The following ACCSL variants were observed in gnomAD, a reference collection of about 807,000 sequenced individuals.
ACCSL encodes the protein probable inactive 1-aminocyclopropane-1-carboxylate synthase-like protein 2.
In ACCSL, 55 loss-of-function variants were observed where a neutral mutation model predicts 61.7. The ratio of observed to expected loss-of-function variants is 0.89; its 90% CI spans 0.72 to 1.12. The LOEUF is 1.12. ACCSL is among the 50% of genes most tolerant of loss of function. The pLI, the probability that ACCSL is intolerant of heterozygous loss-of-function variation, is 0.00. For missense variants in ACCSL, 632 were observed against 698.0 expected (o/e 0.91, Z 1.07); for synonymous variants, 258 against 264.3 (o/e 0.98, Z 0.23).
chr11:43,990,453 C>T, the ACCSL span, among the ~76,000 whole-genome samples: 1 of 152,104 alleles, frequency 6.6e-6, no homozygotes, highest in Non-Finnish European at 1.5e-5. Context: ...GAATTCTCAT[C>T]TCTTCAGCCC....
the ACCSL span, among the ~76,000 whole-genome samples, chr11:43,957,303 G>A: frequency 6.6e-6 from 1 of 151,778 alleles, no homozygotes; most frequent in Non-Finnish European, 1.5e-5. Flanking sequence ...ATCTCAAAGT[G>A]GGGTGGGGTG....
the ACCSL span, among the ~76,000 whole-genome samples, chr11:43,923,900 C>T: frequency 2.0e-5 from 3 of 152,186 alleles, no homozygotes; most frequent in Middle Eastern, 3.2e-3. Flanking sequence ...GTGTGTACGA[C>T]GCTGTTAGGA....
the ACCSL span, among the ~76,000 whole-genome samples, chr11:43,961,281 G>A: frequency 1.3e-5 from 2 of 152,070 alleles, no homozygotes; most frequent in African/African-American, 4.8e-5. Flanking sequence ...CCTGTGTCAA[G>A]TCTGCCCAAT....
At chr11:43,961,941 G>A in the ACCSL span, among the ~76,000 whole-genome samples, 1 of 152,162 alleles carries the variant, frequency 6.6e-6, no homozygotes, top group Non-Finnish European at 1.5e-5. Flanking sequence ...CTGTAACAGG[G>A]CCTTTGAGCC....
At chr11:44,042,113 T>C in the ACCSL span, among the ~76,000 whole-genome samples, 1 of 152,348 alleles carries the variant, frequency 6.6e-6, no homozygotes, top group Admixed American at 6.5e-5. Context: ...ATTGATAATC[T>C]ACTCATAGGT....
chr11:44,031,567 G>A, the ACCSL span, among the ~76,000 whole-genome samples: 4 of 152,178 alleles, frequency 2.6e-5, no homozygotes, highest in Non-Finnish European at 5.9e-5. Context: ...TGCAATGGAT[G>A]AAAGAGAGGG....
chr11:43,936,211 G>A, the ACCSL span, among the ~76,000 whole-genome samples: 1 of 152,218 alleles, frequency 6.6e-6, no homozygotes, highest in South Asian at 2.1e-4. Flanking sequence ...CACCCTTGGA[G>A]ATATGATTAG....
chr11:44,033,220 A>G, the ACCSL span, among the ~76,000 whole-genome samples: 1 of 152,146 alleles, frequency 6.6e-6, no homozygotes, highest in Non-Finnish European at 1.5e-5. Context: ...ACAGAGGAGA[A>G]ACTGAAGCCC....
chr11:43,943,199 C>T, the ACCSL span: 1 of 1,523,480 alleles, frequency 6.6e-7, no homozygotes, highest in Non-Finnish European at 8.8e-7. The surrounding 1 kb of genome is among the most constrained non-coding windows in gnomAD (Gnocchi z 4.8). Flanking sequence ...GAGCCTGTCG[C>T]TGCAGCGGGA....
chr11:44,025,300 C>T, the ACCSL span, among the ~76,000 whole-genome samples: 1 of 151,952 alleles, frequency 6.6e-6, no homozygotes, highest in East Asian at 1.9e-4. Context: ...ATAATTTTAA[C>T]TTGCTTCTTG....
the ACCSL span, among the ~76,000 whole-genome samples, chr11:43,923,726 A>C: frequency 1.3e-5 from 2 of 152,222 alleles, no homozygotes; most frequent in South Asian, 4.1e-4. Flanking sequence ...ATAGAGCCCC[A>C]TGTTGGGCTG....
chr11:44,056,361 G>A, intron 11 of ACCSL, 35 bp downstream of exon 11: 1 of 1,596,690 alleles, frequency 6.3e-7, no homozygotes, highest in Non-Finnish European at 8.5e-7. Context: ...CATGTTGGCT[G>A]GACCTCATGG....
At chr11:44,035,153 C>G in the ACCSL span, among the ~76,000 whole-genome samples, 1 of 152,138 alleles carries the variant, frequency 6.6e-6, no homozygotes, top group Non-Finnish European at 1.5e-5. Context: ...CTCTTGCTCT[C>G]AATATCCTAC....
chr11:44,032,659 G>C, the ACCSL span, among the ~76,000 whole-genome samples: 1 of 152,178 alleles, frequency 6.6e-6, no homozygotes, highest in Non-Finnish European at 1.5e-5. Flanking sequence ...GGAGCGGGCG[G>C]ATACGTGGGC....
the ACCSL span, among the ~76,000 whole-genome samples, chr11:44,013,350 G>A: frequency 6.6e-6 from 1 of 152,116 alleles, no homozygotes; most frequent in Non-Finnish European, 1.5e-5. Context: ...CGCAATCTCG[G>A]CTCGCTGCAA....
At chr11:43,978,191 T>C in the ACCSL span, among the ~76,000 whole-genome samples, 4 of 151,940 alleles carry the variant, frequency 2.6e-5, no homozygotes, top group East Asian at 7.8e-4. Context: ...GTATTTTTAG[T>C]AGAGACAGGG....
chr11:43,992,622 A>C, the ACCSL span, among the ~76,000 whole-genome samples: 1 of 151,152 alleles, frequency 6.6e-6, no homozygotes. Flanking sequence ...TGACCCACTT[A>C]GTTTACCCAA....
the ACCSL span, chr11:44,000,963 T>C: frequency 3.9e-5 from 6 of 151,996 alleles, no homozygotes; most frequent in African/African-American, 1.4e-4. Context: ...GTTAAGAAAA[T>C]TGAGCTGGGA....
the ACCSL span, among the ~76,000 whole-genome samples, chr11:44,007,300 C>T: frequency 2.0e-5 from 3 of 152,238 alleles, no homozygotes; most frequent in Non-Finnish European, 2.9e-5. Context: ...GACAGAAGTG[C>T]CCCCCAGCTT....
Sources: gnomAD v4.1 joint callset for allele counts (sites outside exome capture counted in the v4.1 genomes callset) on GRCh38, gnomAD v4.1.1 for gene constraint, Gnocchi (gnomAD v3.1) non-coding constraint, MANE v1.5 for transcripts, NCBI Gene and HGNC (gene_info 2026-07-23, HGNC 2026-07-21) for gene names.